Variants in KCNN2 observed in about 807,000 individuals in gnomAD.
KCNN2 encodes potassium calcium-activated channel subfamily N member 2, also known as small conductance calcium-activated potassium channel protein 2.
In KCNN2, 24 loss-of-function variants were observed where a neutral mutation model predicts 55.5. That is an observed-to-expected ratio of 0.43 (90% CI 0.31 to 0.61). The LOEUF (loss-of-function observed/expected upper bound fraction) is 0.61, where lower values mean the gene tolerates loss of function less well. Ranked by LOEUF, KCNN2 falls within the 20% of genes least tolerant of loss-of-function variation. The probability of loss-of-function intolerance (pLI) is 0.08; values close to 1 mark genes in which losing one functional copy is unlikely to be tolerated. For missense variants in KCNN2, 754 were observed against 853.6 expected, an observed-to-expected ratio of 0.88 and a Z score of 1.45; for synonymous variants, 431 against 336.1, an observed-to-expected ratio of 1.28 and a Z score of -3.09.
At chr5:114,297,479 A>T (rs1241700518) in intron 2 of KCNN2, among the ~76,000 whole-genome samples, 1 of 152,174 alleles carries the variant, frequency 6.6e-6, no homozygotes, top group Non-Finnish European at 1.5e-5. Context: ...CAGTTCAGTG[A>T]AAGAGGCATC....
At chr5:114,198,696 T>C (rs1753610879) in intron 1 of KCNN2, among the ~76,000 whole-genome samples, 2 of 152,092 alleles carry the variant, frequency 1.3e-5, no homozygotes, top group African/African-American at 4.8e-5. Flanking sequence ...TTTTTAGTTT[T>C]TAAATACATG....
chr5:114,305,041 C>A (rs1446975571), intron 2 of KCNN2, among the ~76,000 whole-genome samples: 1 of 152,038 alleles, frequency 6.6e-6, no homozygotes, highest in Non-Finnish European at 1.5e-5. Context: ...GGAAACCACA[C>A]AATAATTTGA....
intron 1 of KCNN2, among the ~76,000 whole-genome samples, chr5:114,218,886 A>T (rs572720649): frequency 6.6e-6 from 1 of 152,278 alleles, no homozygotes; most frequent in East Asian, 1.9e-4. Flanking sequence ...TGACACCTTC[A>T]TGGGACTTGT....
intron 1 of KCNN2, among the ~76,000 whole-genome samples, chr5:114,127,711 G>A (rs1029796014): frequency 1.3e-5 from 2 of 152,192 alleles, no homozygotes; most frequent in Non-Finnish European, 2.9e-5. Flanking sequence ...CCCAGAAAAT[G>A]GGTTCTTGTT....
At chr5:114,085,053 C>CATATAT (rs57320559) in intron 1 of KCNN2, among the ~76,000 whole-genome samples, 3,037 of 149,946 alleles carry the variant, frequency 0.02, 54 homozygotes, top group African/African-American at 0.053. Context: ...TATATAGAGA[C>CATATAT]ATATATATAT....
chr5:114,075,867 C>T (rs953191242), intron 1 of KCNN2, among the ~76,000 whole-genome samples: 1 of 152,170 alleles, frequency 6.6e-6, no homozygotes, highest in Non-Finnish European at 1.5e-5. Flanking sequence ...TGAAAGAATA[C>T]CTGGCCCACC....
intron 1 of KCNN2, among the ~76,000 whole-genome samples, chr5:114,106,487 T>C (rs1487116004): frequency 2.0e-5 from 3 of 151,954 alleles, no homozygotes; most frequent in African/African-American, 7.2e-5. Flanking sequence ...CACAACAGTA[T>C]ATAAGAGTTA....
At chr5:114,099,804 T>C (rs889296254) in intron 1 of KCNN2, among the ~76,000 whole-genome samples, 1 of 152,126 alleles carries the variant, frequency 6.6e-6, no homozygotes, top group African/African-American at 2.4e-5. Context: ...ACCATAGGTA[T>C]TACGTTTGAA....
At chr5:114,197,096 C>A (rs888772122) in intron 1 of KCNN2, among the ~76,000 whole-genome samples, 1 of 152,020 alleles carries the variant, frequency 6.6e-6, no homozygotes, top group African/African-American at 2.4e-5. Context: ...CCTTCTTTGA[C>A]CAGTTGGGTA....
intron 2 of KCNN2, among the ~76,000 whole-genome samples, chr5:114,275,751 C>T (rs185752096): frequency 5.9e-5 from 9 of 152,072 alleles, no homozygotes; most frequent in Non-Finnish European, 1.2e-4. Flanking sequence ...TCCTAGCGAT[C>T]TATTTTGTTG....
chr5:114,157,248 A>G (rs1417101305), intron 1 of KCNN2, among the ~76,000 whole-genome samples: 2 of 149,056 alleles, frequency 1.3e-5, no homozygotes, highest in Non-Finnish European at 1.5e-5. Flanking sequence ...GAGTGAGAAC[A>G]TGCGGTGTTT....
At chr5:114,157,975 T>C (rs1225326526) in intron 1 of KCNN2, among the ~76,000 whole-genome samples, 2 of 152,044 alleles carry the variant, frequency 1.3e-5, no homozygotes, top group Non-Finnish European at 2.9e-5. Flanking sequence ...CTGATGGTAG[T>C]TTCTTTTGCT....
At chr5:114,439,099 A>G (rs529162870) in intron 3 of KCNN2, among the ~76,000 whole-genome samples, 2 of 152,340 alleles carry the variant, frequency 1.3e-5, no homozygotes, top group South Asian at 2.1e-4. Context: ...TAGACTTGAT[A>G]TTCTCATAAC....
intron 2 of KCNN2, among the ~76,000 whole-genome samples, chr5:114,310,922 A>G (rs1756380532): frequency 6.6e-6 from 1 of 152,126 alleles, no homozygotes; most frequent in South Asian, 2.1e-4. Flanking sequence ...AGCACTATCT[A>G]AGGTACAATA....
chr5:114,460,156 G>T (rs1011688354), intron 3 of KCNN2, among the ~76,000 whole-genome samples: 2 of 152,116 alleles, frequency 1.3e-5, no homozygotes. Context: ...AGAAATCTTT[G>T]TTTATCGTAT....
chr5:114,245,973 C>T (rs1580656783), intron 2 of KCNN2, among the ~76,000 whole-genome samples: 1 of 152,150 alleles, frequency 6.6e-6, no homozygotes, highest in East Asian at 1.9e-4. Context: ...TGGCCTCAAA[C>T]CCTCAGGGAT....
chr5:114,124,469 C>T (rs1040077183), intron 1 of KCNN2, among the ~76,000 whole-genome samples: 2 of 151,938 alleles, frequency 1.3e-5, no homozygotes, highest in East Asian at 1.9e-4. Flanking sequence ...CCATGATCTG[C>T]CCCCCCTGGA....
intron 2 of KCNN2, among the ~76,000 whole-genome samples, chr5:114,398,975 A>G (rs999581319): frequency 2.0e-5 from 3 of 152,220 alleles, no homozygotes; most frequent in Non-Finnish European, 2.9e-5. Context: ...GTATAAAATC[A>G]TGTCACCTGC....
chr5:114,158,816 G>A (rs1025764369), intron 1 of KCNN2, among the ~76,000 whole-genome samples: 2 of 152,030 alleles, frequency 1.3e-5, no homozygotes, highest in African/African-American at 4.8e-5. Context: ...TCTGTTATTG[G>A]TGTATAAGAA....
Sources: allele counts gnomAD v4.1 joint callset (sites outside exome capture counted in the v4.1 genomes callset), GRCh38; gene constraint gnomAD v4.1.1; transcripts MANE v1.5; gene names NCBI Gene and HGNC (gene_info 2026-07-23, HGNC 2026-07-21).